The following SND1 variants were observed in gnomAD, a reference collection of about 807,000 sequenced individuals.
The protein encoded by SND1 is staphylococcal nuclease and tudor domain containing 1, also known as staphylococcal nuclease domain-containing protein 1.
In SND1, 38 loss-of-function variants were observed where a neutral mutation model predicts 121.7. That is an observed-to-expected ratio of 0.31 (90% confidence interval 0.24 to 0.41). The LOEUF is 0.41. SND1 is among the 10% of genes least tolerant of loss of function. The pLI is 1.00. For synonymous variants in SND1, 401 were observed against 447.4 expected (o/e 0.90, Z 1.31); for missense variants, 868 against 1,184.6 (o/e 0.73, Z 3.92).
chr7:128,086,686 A>G, intron 20 of SND1: 2 of 572,248 alleles, frequency 3.5e-6, no homozygotes, highest in South Asian at 4.0e-5. Context: ...GATTGTTTTC[A>G]TGGGAACCAC....
rs547323736 is a variant in SND1 at position 127,872,600 on chromosome 7, CTTACA to C, written c.1344-15298_1344-15294del. On this transcript the variant is annotated intron_variant, in intron 12 of 23. Transcript: ENST00000354725. ...TTAAAGTGTTGATATGACACAGTAT[CTTACA>C]TTAGACCTTTTTTAACACACACGCA... Among the ~76,000 whole-genome samples the C allele has an allele frequency of 1.5e-4, 22 of 147,322 alleles. No individual in the cohort carries two copies. In the South Asian group the frequency reaches 4.6e-3, roughly 31 times the overall value.
intron 10 of SND1, among the ~76,000 whole-genome samples, chr7:127,762,376 C>A (rs1262455429): frequency 6.6e-6 from 1 of 152,202 alleles, no homozygotes; most frequent in Non-Finnish European, 1.5e-5. Context: ...TATTGGTTTG[C>A]AGATGACTGC....
At chr7:127,912,598 A>G (rs760271077) in intron 14 of SND1, among the ~76,000 whole-genome samples, 1 of 152,166 alleles carries the variant, frequency 6.6e-6, no homozygotes, top group Non-Finnish European at 1.5e-5. Context: ...ACTTATCTAT[A>G]TCTGTTCTTT....
intron 15 of SND1, among the ~76,000 whole-genome samples, chr7:127,973,625 C>T (rs904923432): frequency 6.6e-6 from 1 of 152,206 alleles, no homozygotes; most frequent in East Asian, 1.9e-4. Flanking sequence ...CTCTTCCCAG[C>T]CACACCCATT....
intron 15 of SND1, among the ~76,000 whole-genome samples, chr7:127,953,796 A>G (rs1413988535): frequency 1.3e-5 from 2 of 152,194 alleles, no homozygotes; most frequent in Admixed American, 6.5e-5. Context: ...TGCTTATCCA[A>G]TTTGGCAATT....
In SND1 at chr7:127,841,964, A is replaced by G. The variant is rs141995403; in HGVS notation, c.1243-2360A>G. On this transcript the variant is annotated intron_variant, in intron 11 of 23. Transcript: ENST00000354725. The stretch of plus-strand genomic sequence containing the variant: ...TGATTTACCTTAACCTCAGCCCTTA[A>G]TTGGCTTGGGCTCTGATATGGCTCC... 9.1e-4 allele frequency among the ~76,000 whole-genome samples: 139 copies of G among 152,246 alleles called. 1 individual carries two copies. Among genetic ancestry groups the G allele is most frequent in the Middle Eastern group, 3.4e-3 (1 of 294 alleles).
intron 14 of SND1, among the ~76,000 whole-genome samples, chr7:127,911,683 G>A: frequency 6.6e-6 from 1 of 152,100 alleles, no homozygotes; most frequent in East Asian, 1.9e-4. Flanking sequence ...TGTATTTTTA[G>A]TAGAGACGGG....
At chr7:128,055,669 G>A (rs75235542) in intron 16 of SND1, among the ~76,000 whole-genome samples, 196 of 152,236 alleles carry the variant, frequency 1.3e-3, no homozygotes, top group African/African-American at 4.3e-3. Flanking sequence ...AAGGAGCTCC[G>A]GCAGTTCTGT....
chr7:127,966,177 A>G (rs1388935545), intron 15 of SND1, among the ~76,000 whole-genome samples: 2 of 151,504 alleles, frequency 1.3e-5, no homozygotes, highest in African/African-American at 2.4e-5. Context: ...CTAGCGGTCT[A>G]TCAATTTTGT....
At chr7:127,817,720 AC>A (rs1798469990) in intron 11 of SND1, among the ~76,000 whole-genome samples, 7 of 109,650 alleles carry the variant, frequency 6.4e-5, no homozygotes, top group East Asian at 2.6e-4. Context: ...TTTCCTTCAT[AC>A]TTTTTTTTTT....
chr7:127,824,908 T>A (rs1798615250), intron 11 of SND1, among the ~76,000 whole-genome samples: 1 of 152,176 alleles, frequency 6.6e-6, no homozygotes, highest in African/African-American at 2.4e-5. Context: ...AAATTTTTGG[T>A]CTGTTTTCTG....
At chr7:127,998,007 C>T (rs754578705) in intron 16 of SND1, 2 of 527,560 alleles carry the variant, frequency 3.8e-6, no homozygotes, top group Admixed American at 1.9e-5. Flanking sequence ...GGATCTATGA[C>T]CCAAGTCTCT....
chr7:127,897,705 A>T (rs1167586311), intron 13 of SND1, among the ~76,000 whole-genome samples: 1 of 152,120 alleles, frequency 6.6e-6, no homozygotes, highest in African/African-American at 2.4e-5. Flanking sequence ...GTTATTCCTC[A>T]TGGCATTATC....
At chr7:127,661,069 A>G (rs972703070) in intron 1 of SND1, among the ~76,000 whole-genome samples, 1 of 152,142 alleles carries the variant, frequency 6.6e-6, no homozygotes, top group Admixed American at 6.6e-5. Context: ...ATAAATGATA[A>G]GTGAAATGTA....
chr7:127,871,004 A>G (rs900865355), intron 12 of SND1, among the ~76,000 whole-genome samples: 9 of 152,082 alleles, frequency 5.9e-5, no homozygotes, highest in African/African-American at 1.4e-4. Context: ...TATTTATTTT[A>G]CTTTTTAAAA....
chr7:128,023,553 G>A (rs541629311), intron 16 of SND1, among the ~76,000 whole-genome samples: 2 of 152,300 alleles, frequency 1.3e-5, no homozygotes, highest in East Asian at 3.9e-4. Context: ...TCAGTGCCTT[G>A]GGACAGCTAT....
At chr7:127,969,598 C>T (rs924205746) in intron 15 of SND1, among the ~76,000 whole-genome samples, 4 of 152,086 alleles carry the variant, frequency 2.6e-5, no homozygotes, top group African/African-American at 4.8e-5. Context: ...GTGGCGGGCA[C>T]GTGTAGTCCT....
chr7:127,852,504 A>AG (rs1187037664), intron 12 of SND1, among the ~76,000 whole-genome samples: 2 of 151,294 alleles, frequency 1.3e-5, no homozygotes, highest in African/African-American at 4.9e-5. Flanking sequence ...AAAAAAAAAA[A>AG]AAAGAAAAAA....
chr7:128,056,214 T>C (rs1184674502), intron 16 of SND1, among the ~76,000 whole-genome samples: 1 of 152,204 alleles, frequency 6.6e-6, no homozygotes, highest in Admixed American at 6.5e-5. Flanking sequence ...TTCCTTCAGA[T>C]GTGGAATTGG....
Sources: allele counts gnomAD v4.1 joint callset (sites outside exome capture counted in the v4.1 genomes callset), GRCh38; gene constraint gnomAD v4.1.1; transcripts MANE v1.5; gene names NCBI Gene and HGNC (gene_info 2026-07-23, HGNC 2026-07-21).